GAS7: variants seen among roughly 807,000 people sequenced by gnomAD.
GAS7 encodes growth arrest specific 7.
Under a neutral mutation model 71.1 loss-of-function variants are expected in GAS7, and 28 were observed. The observed-to-expected ratio is 0.39, with a 90% CI of 0.29 to 0.54. GAS7 has a LOEUF of 0.54. GAS7 is among the 20% of genes least tolerant of loss of function. GAS7 has a pLI of 0.62. For missense variants in GAS7, 436 were observed against 627.8 expected, an observed-to-expected ratio of 0.69 and a Z score of 3.27; for synonymous variants, 258 against 245.8, an observed-to-expected ratio of 1.05 and a Z score of -0.46.
chr17:10,080,350 T>C (rs2073445441), intron 1 of GAS7, among the ~76,000 whole-genome samples: 1 of 152,192 alleles, frequency 6.6e-6, no homozygotes, highest in African/African-American at 2.4e-5. Context: ...CCCTGCCACC[T>C]TTCCTGGAAA....
intron 2 of GAS7, among the ~76,000 whole-genome samples, chr17:10,016,751 AAATAATAATAATAATAATAATAATAAT>A (rs4057773): frequency 1.4e-5 from 2 of 139,900 alleles, no homozygotes; most frequent in Admixed American, 1.5e-4. Flanking sequence ...TCTCTACAAA[AAATAATAATAATAATAATAATAATAAT>A]AATAATAATA....
chr17:10,005,503 A>T (rs1050704904), intron 2 of GAS7, among the ~76,000 whole-genome samples: 8 of 91,484 alleles, frequency 8.7e-5, no homozygotes, highest in Non-Finnish European at 1.4e-4. Context: ...GTTGAGTATT[A>T]AAAAAAATGG....
At chr17:10,088,309 G>C (rs991238821) in intron 1 of GAS7, among the ~76,000 whole-genome samples, 1 of 151,630 alleles carries the variant, frequency 6.6e-6, no homozygotes, top group African/African-American at 2.4e-5. Context: ...GCTCTGTTAG[G>C]GGTACCACTG....
chr17:9,997,863 G>C (rs746545246), intron 2 of GAS7, among the ~76,000 whole-genome samples: 1 of 152,232 alleles, frequency 6.6e-6, no homozygotes, highest in South Asian at 2.1e-4. Flanking sequence ...CAGATGAAGA[G>C]GCAGATGGAA....
intron 1 of GAS7, among the ~76,000 whole-genome samples, chr17:10,131,173 T>A (rs2073994106): frequency 6.6e-6 from 1 of 152,208 alleles, no homozygotes; most frequent in African/African-American, 2.4e-5. Context: ...TTGCCACAGC[T>A]ATATCTAGAC....
intron 4 of GAS7, among the ~76,000 whole-genome samples, chr17:9,968,382 C>T (rs2069811409): frequency 6.6e-6 from 1 of 152,148 alleles, no homozygotes; most frequent in Non-Finnish European, 1.5e-5. Context: ...AACCTCAGCC[C>T]CCACCCTAGA....
At chr17:10,114,958 G>A (rs1358204108) in intron 1 of GAS7, among the ~76,000 whole-genome samples, 4 of 152,180 alleles carry the variant, frequency 2.6e-5, no homozygotes, top group African/African-American at 9.7e-5. Context: ...CTGCCTCTGT[G>A]GCTGGCAGGG....
chr17:9,932,745 A>G lies in GAS7; in HGVS notation c.885+1421T>C, dbSNP rs376213478. ...GATAGTCAGAGGGCTCTGTTCATTC[A>G]TGACTCAATAAGAAAATATTTATTA... On this transcript the variant is annotated intron_variant, in intron 9 of 13. Coordinates refer to ENST00000432992, the MANE Select transcript of GAS7 (RefSeq NM_201433.2). 7.5e-4 allele frequency among the ~76,000 whole-genome samples: 114 copies of G among 152,318 alleles called. 1 individual carries two copies. Among genetic ancestry groups the G allele is most frequent in the African/African-American group, 2.7e-3 (111 of 41,568 alleles).
chr17:10,115,115 G>A (rs551868400), intron 1 of GAS7, among the ~76,000 whole-genome samples: 3 of 152,308 alleles, frequency 2.0e-5, no homozygotes, highest in East Asian at 3.9e-4. Flanking sequence ...TGAGCCACAC[G>A]CTAATCTCCA....
At chr17:10,016,384 CAAAAA>C (rs1217937101) in intron 2 of GAS7, among the ~76,000 whole-genome samples, 1 of 71,422 alleles carries the variant, frequency 1.4e-5, no homozygotes, top group Non-Finnish European at 2.7e-5. Flanking sequence ...GACTCCGTCT[CAAAAA>C]AAAAAAAAAA....
At chr17:10,057,522 C>G (rs371034928) in intron 1 of GAS7, among the ~76,000 whole-genome samples, 231 of 150,800 alleles carry the variant, frequency 1.5e-3, no homozygotes, top group Admixed American at 6.7e-3. Flanking sequence ...GCCCGGCAGC[C>G]GCCCCATCTG....
chr17:10,092,148 A>G (rs765537831), intron 1 of GAS7, among the ~76,000 whole-genome samples: 33 of 151,862 alleles, frequency 2.2e-4, no homozygotes, highest in Non-Finnish European at 4.7e-4. Flanking sequence ...CTGACTTCGC[A>G]CATGTATTCT....
At chr17:10,137,142 G>A (rs972283202) in intron 1 of GAS7, among the ~76,000 whole-genome samples, 5 of 139,998 alleles carry the variant, frequency 3.6e-5, no homozygotes, top group East Asian at 4.1e-4. Flanking sequence ...GAGAGAGACC[G>A]CAAATACTCT....
intron 3 of GAS7, among the ~76,000 whole-genome samples, chr17:9,973,393 A>G (rs951487645): frequency 6.6e-6 from 1 of 151,732 alleles, no homozygotes; most frequent in African/African-American, 2.4e-5. Flanking sequence ...AGCTGGGATT[A>G]CAGGCGCCCG....
chr17:10,021,038 T>C (rs1224832307), intron 1 of GAS7, among the ~76,000 whole-genome samples: 2 of 152,200 alleles, frequency 1.3e-5, no homozygotes, highest in Non-Finnish European at 2.9e-5. Context: ...TTTTCTCCCA[T>C]AAACACAGAA....
At chr17:9,965,542 T>C (rs1028010694) in intron 4 of GAS7, among the ~76,000 whole-genome samples, 5 of 152,058 alleles carry the variant, frequency 3.3e-5, no homozygotes, top group African/African-American at 1.2e-4. Flanking sequence ...GGGAGAGCAT[T>C]AGGACAAATA....
At chr17:10,062,441 C>T (rs987172257) in intron 1 of GAS7, among the ~76,000 whole-genome samples, 9 of 152,254 alleles carry the variant, frequency 5.9e-5, no homozygotes, top group Non-Finnish European at 1.0e-4. Flanking sequence ...GCCGAGATTG[C>T]GTCGCTGCAC....
intron 1 of GAS7, among the ~76,000 whole-genome samples, chr17:10,184,636 T>C (rs1403100720): frequency 6.6e-6 from 1 of 152,166 alleles, no homozygotes; most frequent in Non-Finnish European, 1.5e-5. Context: ...TGTGGTGTAA[T>C]ATGAAATATA....
At chr17:10,049,951 T>C (rs537850089) in intron 1 of GAS7, among the ~76,000 whole-genome samples, 1 of 152,186 alleles carries the variant, frequency 6.6e-6, no homozygotes, top group Non-Finnish European at 1.5e-5. Flanking sequence ...CAAATCATCA[T>C]ATACAATCCT....
Sources: allele counts gnomAD v4.1 joint callset (sites outside exome capture counted in the v4.1 genomes callset), GRCh38; gene constraint gnomAD v4.1.1; transcripts MANE v1.5; gene names NCBI Gene and HGNC (gene_info 2026-07-23, HGNC 2026-07-21).